KCNAB1: variants seen among roughly 807,000 people sequenced by gnomAD.
KCNAB1 encodes potassium voltage-gated channel subfamily A regulatory beta subunit 1.
A neutral mutation model predicts 64.6 loss-of-function variants in KCNAB1; 35 were observed. The observed-to-expected ratio is 0.54, with a 90% CI of 0.41 to 0.72. KCNAB1 has a LOEUF of 0.72. Among genes scored for constraint, KCNAB1 ranks in the 30% least tolerant of loss-of-function variants. The pLI is 0.00. For missense variants in KCNAB1, 401 were observed against 512.9 expected (o/e 0.78, Z 2.11); for synonymous variants, 177 against 183.8 (o/e 0.96, Z 0.30).
intron 8 of KCNAB1, among the ~76,000 whole-genome samples, chr3:156,481,234 A>G (rs1714774330): frequency 1.3e-5 from 2 of 152,074 alleles, no homozygotes; most frequent in Non-Finnish European, 2.9e-5. Context: ...TACTGTATCA[A>G]TTAAGATTAT....
At chr3:156,314,454 A>C (rs1452372007) in intron 1 of KCNAB1, among the ~76,000 whole-genome samples, 1 of 152,184 alleles carries the variant, frequency 6.6e-6, no homozygotes, top group Non-Finnish European at 1.5e-5. Context: ...AATTCTATCA[A>C]AGGCCACCCA....
chr3:156,150,288 A>C (rs1715327822), intron 1 of KCNAB1, among the ~76,000 whole-genome samples: 1 of 152,228 alleles, frequency 6.6e-6, no homozygotes, highest in African/African-American at 2.4e-5. Context: ...GTATGTTTTC[A>C]AAGTGTCAGT....
intron 1 of KCNAB1, among the ~76,000 whole-genome samples, chr3:156,386,333 G>A (rs1712591381): frequency 6.6e-6 from 1 of 152,150 alleles, no homozygotes; most frequent in Non-Finnish European, 1.5e-5. Flanking sequence ...CCATTGACAG[G>A]TGAGCACACA....
chr3:156,368,875 C>T (rs1378120897), intron 1 of KCNAB1, among the ~76,000 whole-genome samples: 2 of 152,178 alleles, frequency 1.3e-5, no homozygotes, highest in Non-Finnish European at 2.9e-5. Flanking sequence ...TAATTATAGC[C>T]CCAAGCTCCT....
intron 1 of KCNAB1, among the ~76,000 whole-genome samples, chr3:156,218,786 CAAAA>C (rs1228783831): frequency 1.9e-4 from 18 of 92,616 alleles, no homozygotes; most frequent in Non-Finnish European, 1.9e-4. Context: ...CCCAGAACAG[CAAAA>C]AAAAAAAAAA....
At chr3:156,219,440 A>G (rs1311678714) in intron 1 of KCNAB1, among the ~76,000 whole-genome samples, 1 of 151,994 alleles carries the variant, frequency 6.6e-6, no homozygotes, top group Non-Finnish European at 1.5e-5. Flanking sequence ...AATGAACAAA[A>G]CCTCCGAGAA....
At chr3:156,121,758 C>T (rs1051714548) in intron 1 of KCNAB1, among the ~76,000 whole-genome samples, 1 of 152,182 alleles carries the variant, frequency 6.6e-6, no homozygotes, top group Non-Finnish European at 1.5e-5. Context: ...ATTACGTAGT[C>T]AAAGTATGGA....
In KCNAB1 at chr3:156,265,869, G is replaced by A. The variant is rs914425509; in HGVS notation, c.275+144983G>A. ...TAGCTGGGTGTGGTAGCTCATGCCT[G>A]TAGTCCCAGCTACTTGGGAGGCTGA... On this transcript the variant is annotated intron_variant, in intron 1 of 13. Transcript: ENST00000490337. Among the ~76,000 whole-genome samples the A allele has an allele frequency of 9.2e-5, 14 of 152,298 alleles. No individual in the cohort carries two copies. In the East Asian group the frequency reaches 1.4e-3, roughly 15 times the overall value.
intron 1 of KCNAB1, among the ~76,000 whole-genome samples, chr3:156,346,562 G>A (rs1724495668): frequency 6.6e-6 from 1 of 152,302 alleles, no homozygotes. Flanking sequence ...TCATGACATT[G>A]TCTCTTAAAT....
At chr3:156,528,461 T>G (rs1438106903) in intron 12 of KCNAB1, among the ~76,000 whole-genome samples, 1 of 152,202 alleles carries the variant, frequency 6.6e-6, no homozygotes, top group East Asian at 1.9e-4. Flanking sequence ...AAGGCATACC[T>G]CACAGCCTGG....
At chr3:156,291,957 G>A (rs769072570) in intron 1 of KCNAB1, 1 of 1,614,064 alleles carries the variant, frequency 6.2e-7, no homozygotes, top group Admixed American at 1.7e-5. Context: ...AGTCGGAATG[G>A]TGAGGACCGA....
chr3:156,528,620 G>A (rs897710015), intron 12 of KCNAB1, among the ~76,000 whole-genome samples: 1 of 152,124 alleles, frequency 6.6e-6, no homozygotes, highest in Non-Finnish European at 1.5e-5. Context: ...CAAATGACAG[G>A]CAAATATTAG....
At chr3:156,212,905 G>A in intron 1 of KCNAB1, among the ~76,000 whole-genome samples, 1 of 152,154 alleles carries the variant, frequency 6.6e-6, no homozygotes, top group South Asian at 2.1e-4. Flanking sequence ...CAGCTAGATA[G>A]TGCAAAATTG....
At chr3:156,159,050 C>A (rs115839040) in intron 1 of KCNAB1, among the ~76,000 whole-genome samples, 2 of 151,860 alleles carry the variant, frequency 1.3e-5, no homozygotes, top group African/African-American at 4.8e-5. Flanking sequence ...TAGTTTATGG[C>A]GAGGCAACCT....
intron 1 of KCNAB1, among the ~76,000 whole-genome samples, chr3:156,414,632 G>A (rs1483476271): frequency 2.6e-5 from 4 of 152,174 alleles, no homozygotes; most frequent in Admixed American, 2.6e-4. Context: ...TTAAAAGGTG[G>A]TGAAACATAA....
chr3:156,332,534 C>T (rs1366701313), intron 1 of KCNAB1, among the ~76,000 whole-genome samples: 2 of 152,138 alleles, frequency 1.3e-5, no homozygotes, highest in Non-Finnish European at 2.9e-5. Flanking sequence ...CCAATGTTCA[C>T]TGTGGTACAA....
intron 1 of KCNAB1, among the ~76,000 whole-genome samples, chr3:156,284,123 G>A (rs894862265): frequency 1.3e-5 from 2 of 152,122 alleles, no homozygotes; most frequent in Admixed American, 6.5e-5. Context: ...CTTTGATGAT[G>A]GTGATGTACA....
chr3:156,167,134 A>G (rs1213518180), intron 1 of KCNAB1, among the ~76,000 whole-genome samples: 1 of 152,212 alleles, frequency 6.6e-6, no homozygotes, highest in African/African-American at 2.4e-5. Context: ...CCACATACCC[A>G]GAATCCTGGT....
At chr3:156,292,218 T>C in intron 1 of KCNAB1, 4 of 1,408,314 alleles carry the variant, frequency 2.8e-6, no homozygotes, top group Admixed American at 1.9e-5. Context: ...AGTGATTTAC[T>C]CATCAGTGGG....
Sources: gnomAD v4.1 joint callset for allele counts (sites outside exome capture counted in the v4.1 genomes callset) on GRCh38, gnomAD v4.1.1 for gene constraint, MANE v1.5 for transcripts, NCBI Gene and HGNC (gene_info 2026-07-23, HGNC 2026-07-21) for gene names.